TTC28: variants seen among roughly 807,000 people sequenced by gnomAD.
TTC28 encodes tetratricopeptide repeat protein 28.
Under a neutral mutation model 198.0 loss-of-function variants are expected in TTC28, and 61 were observed. The observed-to-expected ratio is 0.31, with a 90% CI of 0.25 to 0.38. The LOEUF (loss-of-function observed/expected upper bound fraction) is 0.38, where lower values mean the gene tolerates loss of function less well. Among genes scored for constraint, TTC28 ranks in the 10% least tolerant of loss-of-function variants. TTC28 has a pLI of 1.00. For synonymous variants in TTC28, 1,171 were observed against 1,297.8 expected, an observed-to-expected ratio of 0.90 and a Z score of 2.10; for missense variants, 2,678 against 3,164.0, an observed-to-expected ratio of 0.85 and a Z score of 3.69.
chr22:28,622,867 G>A (rs183618824), intron 2 of TTC28, among the ~76,000 whole-genome samples: 167 of 151,966 alleles, frequency 1.1e-3, no homozygotes, highest in African/African-American at 3.8e-3. Flanking sequence ...TGTCTCCCAG[G>A]CTGGAGTGCA....
chr22:28,477,227 T>G (rs2048179944), intron 2 of TTC28, among the ~76,000 whole-genome samples: 1 of 152,214 alleles, frequency 6.6e-6, no homozygotes, highest in East Asian at 1.9e-4. Context: ...AAAACTCATC[T>G]GTGTATTTTA....
intron 1 of TTC28, among the ~76,000 whole-genome samples, chr22:28,653,703 C>A (rs1187212332): frequency 3.3e-5 from 5 of 152,176 alleles, no homozygotes; most frequent in African/African-American, 4.8e-5. Flanking sequence ...TTTCTCCCCA[C>A]TTCCCTTCCC....
chr22:28,606,292 T>C (rs188466809), intron 2 of TTC28, among the ~76,000 whole-genome samples: 43 of 152,192 alleles, frequency 2.8e-4, no homozygotes, highest in Non-Finnish European at 4.9e-4. Flanking sequence ...GGTTTCACCA[T>C]GTTGGCTGGG....
chr22:28,375,162 C>T (rs955226776), intron 2 of TTC28, among the ~76,000 whole-genome samples: 2 of 151,562 alleles, frequency 1.3e-5, no homozygotes, highest in African/African-American at 4.8e-5. Context: ...GAAAGCATAC[C>T]CTAGAAAGTT....
rs2146495562 is a variant in TTC28, at chr22:27,983,461, G to A, written c.6206C>T (p.Thr2069Ile). ...GCATGTGTTTCGGTTTTCTTGGTAG[G>A]TCGCCAAGGGCTCGTTACTGATGAT... ...FSIISNEPLATYQENRNTCFS... is the reference protein window; with the variant it reads ...FSIISNEPLAIYQENRNTCFS... Residue 2069 changes from threonine to isoleucine, a missense_variant, in exon 23 of 23, where the codon ACC becomes ATC. Transcript: ENST00000397906. 1 of 1,545,642 alleles carries A rather than the reference G, an allele frequency of 6.5e-7. No individual in the cohort carries two copies. The highest frequency in any genetic ancestry group is 1.4e-5 in the African/African-American group (1 of 72,394).
At chr22:28,169,511 T>C (rs1004421563) in intron 5 of TTC28, among the ~76,000 whole-genome samples, 8 of 152,256 alleles carry the variant, frequency 5.3e-5, no homozygotes, top group East Asian at 1.9e-4. Flanking sequence ...ATGAGTCATG[T>C]CCTTTGTAGG....
intron 2 of TTC28, among the ~76,000 whole-genome samples, chr22:28,475,321 A>G (rs11090535): frequency 0.19 from 28,872 of 152,042 alleles, 3,500 homozygotes; most frequent in Admixed American, 0.38. Context: ...ATGCCCTCCC[A>G]TGGCAGGGCA....
chr22:28,546,766 T>C (rs2049551455), intron 2 of TTC28, among the ~76,000 whole-genome samples: 1 of 152,176 alleles, frequency 6.6e-6, no homozygotes. Flanking sequence ...ATATCTAGAA[T>C]ACCACAACAG....
chr22:28,063,453 C>T (rs1940628594), intron 12 of TTC28, among the ~76,000 whole-genome samples: 1 of 152,318 alleles, frequency 6.6e-6, no homozygotes, highest in African/African-American at 2.4e-5. Flanking sequence ...CATGTTTTGA[C>T]ACCCCTCCAG....
chr22:28,012,088 G>A (rs1370974916), intron 14 of TTC28, among the ~76,000 whole-genome samples: 3 of 152,164 alleles, frequency 2.0e-5, no homozygotes, highest in African/African-American at 7.2e-5. Flanking sequence ...CGAGCAGGAG[G>A]GAAGGCTGGT....
intron 12 of TTC28, among the ~76,000 whole-genome samples, chr22:28,055,707 A>G (rs557950703): frequency 6.6e-6 from 1 of 152,170 alleles, no homozygotes; most frequent in African/African-American, 2.4e-5. Context: ...AGTAAAGTGC[A>G]GGGCCAAGAT....
chr22:28,143,376 A>G (rs1415284402), intron 6 of TTC28, among the ~76,000 whole-genome samples: 2 of 152,234 alleles, frequency 1.3e-5, no homozygotes, highest in African/African-American at 2.4e-5. Context: ...GAAATAAAAT[A>G]GAGAACTGAA....
In TTC28 at chr22:28,062,420, T is replaced by C. The variant is rs369155107; in HGVS notation, c.3932+31660A>G. Among the ~76,000 whole-genome samples, 1,010 of 150,770 alleles carry C rather than the reference T, an allele frequency of 6.7e-3. 18 individuals are homozygous for C. Among genetic ancestry groups the C allele is most frequent in the African/African-American group, 0.024 (970 of 41,222 alleles). On this transcript the variant is annotated intron_variant, in intron 12 of 22. Transcript: ENST00000397906. Reference sequence around the variant, plus strand: ...GGATTGTTTTTAACTCTTCTTTTTTTTTTTTTTTTTTTGGAATTATTTGAA... The same window carrying C: ...GGATTGTTTTTAACTCTTCTTTTTTCTTTTTTTTTTTTGGAATTATTTGAA...
intron 12 of TTC28, among the ~76,000 whole-genome samples, chr22:28,076,438 A>G (rs976731474): frequency 6.6e-6 from 1 of 152,162 alleles, no homozygotes; most frequent in African/African-American, 2.4e-5. Context: ...TTTGCTTAAA[A>G]ACCCCTGCTT....
At chr22:28,442,124 T>C (rs2047632062) in intron 2 of TTC28, among the ~76,000 whole-genome samples, 1 of 152,194 alleles carries the variant, frequency 6.6e-6, no homozygotes, top group Admixed American at 6.5e-5. Flanking sequence ...GATTTTTTTT[T>C]TTCTTGAGTT....
At chr22:28,312,819 AAC>A in intron 2 of TTC28, among the ~76,000 whole-genome samples, 1 of 152,334 alleles carries the variant, frequency 6.6e-6, no homozygotes, top group Non-Finnish European at 1.5e-5. Flanking sequence ...AGCAAGAGCA[AAC>A]ACATTCAAAA....
At chr22:28,206,483 G>A (rs117997813) in intron 5 of TTC28, among the ~76,000 whole-genome samples, 655 of 152,252 alleles carry the variant, frequency 4.3e-3, no homozygotes, top group Non-Finnish European at 6.9e-3. Context: ...TAAGTGTCCA[G>A]AGCCAGTTCA....
Position 28,005,356 on chromosome 22 carries a change from G to A in TTC28, c.4219-3803C>T, listed in dbSNP as rs1937892231. Among the ~76,000 whole-genome samples, 2 of 152,220 alleles carry A rather than the reference G, an allele frequency of 1.3e-5. No individual in the cohort carries two copies. Among genetic ancestry groups the A allele is most frequent in the Admixed American group, 1.3e-4 (2 of 15,288 alleles). Reference sequence around the variant, plus strand: ...CGTGAAGGTGCAGTCTTTGTACAAGGAGAGGGTTGTTCCTTCTGACAGGGT... The same window carrying A: ...CGTGAAGGTGCAGTCTTTGTACAAGAAGAGGGTTGTTCCTTCTGACAGGGT... On this transcript the variant is annotated intron_variant, in intron 14 of 22. Transcript: ENST00000397906. The surrounding 1 kb of genome is among the most constrained non-coding windows in gnomAD (Gnocchi z 4.9).
At chr22:28,215,355 A>C (rs1569203326) in intron 5 of TTC28, among the ~76,000 whole-genome samples, 1 of 152,216 alleles carries the variant, frequency 6.6e-6, no homozygotes, top group Non-Finnish European at 1.5e-5. Context: ...TTCCATGCTC[A>C]TTCACTACTG....
Sources: gnomAD v4.1 joint callset for allele counts (sites outside exome capture counted in the v4.1 genomes callset) on GRCh38, gnomAD v4.1.1 for gene constraint, Gnocchi (gnomAD v3.1) non-coding constraint, MANE v1.5 for transcripts, NCBI Gene and HGNC (gene_info 2026-07-23, HGNC 2026-07-21) for gene names.